The following ANKRD36 variants were observed in gnomAD, a reference collection of about 807,000 sequenced individuals.
The protein encoded by ANKRD36 is ankyrin repeat domain 36, also known as ankyrin repeat domain-containing protein 36A.
In ANKRD36, 179 loss-of-function variants were observed where a neutral mutation model predicts 278.1. The observed-to-expected ratio is 0.64, with a 90% CI of 0.57 to 0.73. The LOEUF (loss-of-function observed/expected upper bound fraction) is 0.73, where lower values mean the gene tolerates loss of function less well. Ranked by LOEUF, ANKRD36 falls within the 30% of genes least tolerant of loss-of-function variation. The probability of loss-of-function intolerance (pLI) is 0.00; values close to 1 mark genes in which losing one functional copy is unlikely to be tolerated. For missense variants in ANKRD36, 1,159 were observed against 1,956.7 expected, an observed-to-expected ratio of 0.59 and a Z score of 7.69; for synonymous variants, 320 against 641.1, an observed-to-expected ratio of 0.50 and a Z score of 7.57.
intron 22 of ANKRD36, among the ~76,000 whole-genome samples, chr2:97,177,064 A>C (rs2054483302): frequency 6.6e-6 from 1 of 151,534 alleles, no homozygotes; most frequent in African/African-American, 2.4e-5. Flanking sequence ...TCATGAGTGA[A>C]CTCCCATTCA....
intron 67 of ANKRD36, among the ~76,000 whole-genome samples, chr2:97,225,310 G>A (rs1426237974): frequency 6.6e-6 from 1 of 152,046 alleles, no homozygotes; most frequent in African/African-American, 2.4e-5. Context: ...TAATACCAAG[G>A]TTAAAAATTT....
At position 97,162,190 on chromosome 2, in the gene ANKRD36, T is replaced by A. The variant is rs988848119; in HGVS notation, c.1429+52T>A. 14 of 1,295,690 alleles carry A rather than the reference T, an allele frequency of 1.1e-5. No individual in the cohort carries two copies. The African/African-American group carries it at 1.9e-4, about 17-fold the overall frequency. The allele number at this position is 1,295,690 out of a possible 1,614,324, so 80.3% of individuals were successfully genotyped here. Reference sequence around the variant, plus strand: ...TGAGAGCAATGAAATAATGATAATGTTATTTTTTGTGTACAAAGAAACAAA... The same window carrying A: ...TGAGAGCAATGAAATAATGATAATGATATTTTTTGTGTACAAAGAAACAAA... On this transcript the variant is annotated intron_variant, in intron 18 of 75. Transcript: ENST00000420699.
At chr2:97,146,198 C>G (rs1414282018) in intron 10 of ANKRD36, among the ~76,000 whole-genome samples, 1 of 151,770 alleles carries the variant, frequency 6.6e-6, no homozygotes, top group East Asian at 1.9e-4. Context: ...AACTCCTGAC[C>G]TCAAGTTATC....
At chr2:97,230,123 T>G (rs1406268867) in intron 67 of ANKRD36, among the ~76,000 whole-genome samples, 1 of 152,100 alleles carries the variant, frequency 6.6e-6, no homozygotes, top group Non-Finnish European at 1.5e-5. Context: ...GTCTTGGAGT[T>G]GCTCTTCTCA....
intron 56 of ANKRD36, among the ~76,000 whole-genome samples, chr2:97,211,068 C>T (rs1256531816): frequency 6.6e-6 from 1 of 151,874 alleles, no homozygotes; most frequent in Non-Finnish European, 1.5e-5. Context: ...GTACGTTCCA[C>T]TGAAATGTCT....
intron 46 of ANKRD36, among the ~76,000 whole-genome samples, 191 bp from the exon 47 acceptor site, chr2:97,202,011 T>G (rs1428215089): frequency 6.6e-6 from 1 of 151,898 alleles, no homozygotes; most frequent in African/African-American, 2.4e-5. Context: ...AAGGGTATAT[T>G]TCATGGAGCC....
At chr2:97,172,036 A>G (rs944720471) in intron 22 of ANKRD36, among the ~76,000 whole-genome samples, 25 of 151,988 alleles carry the variant, frequency 1.6e-4, no homozygotes, top group African/African-American at 6.0e-4. Context: ...TGGTAGACAC[A>G]GCCTTTTAAG....
chr2:97,185,403 T>C (rs1458033763), intron 29 of ANKRD36, 35 bp from the exon 30 acceptor site: 3 of 1,607,852 alleles, frequency 1.9e-6, no homozygotes, highest in Non-Finnish European at 2.5e-6. Context: ...GAAACATACT[T>C]TCTTTATTGA....
At chr2:97,231,417 TG>T (rs2072029988) in intron 67 of ANKRD36, among the ~76,000 whole-genome samples, 1 of 152,166 alleles carries the variant, frequency 6.6e-6, no homozygotes, top group African/African-American at 2.4e-5. Context: ...TTAGACTCCA[TG>T]GGCGCAGGAC....
intron 14 of ANKRD36, among the ~76,000 whole-genome samples, chr2:97,154,424 G>C (rs2046942501): frequency 6.8e-6 from 1 of 147,062 alleles, no homozygotes; most frequent in Non-Finnish European, 1.5e-5. Flanking sequence ...TGGGTTTAAG[G>C]GTGAGTCTGC....
At chr2:97,212,063 A>G (rs2064808593) in intron 58 of ANKRD36, among the ~76,000 whole-genome samples, 1 of 151,876 alleles carries the variant, frequency 6.6e-6, no homozygotes, top group African/African-American at 2.4e-5. Context: ...AAAGAGAAAG[A>G]GATGAAGTAA....
At chr2:97,216,214 G>A (rs1444818935) in intron 62 of ANKRD36, among the ~76,000 whole-genome samples, 1 of 151,994 alleles carries the variant, frequency 6.6e-6, no homozygotes, top group Non-Finnish European at 1.5e-5. Flanking sequence ...TTATAAAAAT[G>A]AGATAAACTT....
intron 67 of ANKRD36, among the ~76,000 whole-genome samples, chr2:97,228,602 A>C (rs2070774498): frequency 6.6e-6 from 1 of 151,738 alleles, no homozygotes; most frequent in South Asian, 2.1e-4. Flanking sequence ...TGGATTCATT[A>C]ATTTTTTGAA....
intron 42 of ANKRD36, among the ~76,000 whole-genome samples, chr2:97,197,145 C>T (rs1291906130): frequency 1.3e-5 from 2 of 151,932 alleles, no homozygotes; most frequent in Non-Finnish European, 2.9e-5. Flanking sequence ...TCACATCATA[C>T]TGCTAAAAAC....
chr2:97,136,146 G>C (rs1210174913), intron 6 of ANKRD36, among the ~76,000 whole-genome samples: 3 of 148,994 alleles, frequency 2.0e-5, no homozygotes, highest in Non-Finnish European at 4.5e-5. Flanking sequence ...CAATTAATCA[G>C]TCATGCCTAT....
intron 6 of ANKRD36, among the ~76,000 whole-genome samples, chr2:97,129,553 A>G (rs905858899): frequency 3.3e-5 from 5 of 152,086 alleles, no homozygotes; most frequent in African/African-American, 4.8e-5. Context: ...GCCCATGCCT[A>G]TGTCCTGAAT....
chr2:97,184,392 G>C (rs1338698175), intron 28 of ANKRD36, among the ~76,000 whole-genome samples: 1 of 151,462 alleles, frequency 6.6e-6, no homozygotes, highest in Admixed American at 6.6e-5. Flanking sequence ...GATTATATTA[G>C]CTTTTTTCCA....
At chr2:97,176,298 C>G (rs2054226856) in intron 22 of ANKRD36, among the ~76,000 whole-genome samples, 1 of 149,116 alleles carries the variant, frequency 6.7e-6, no homozygotes, top group Middle Eastern at 3.6e-3. Flanking sequence ...CTTTATGAAT[C>G]TGGGTGCTCC....
At chr2:97,142,054 G>C (rs2043031221) in intron 6 of ANKRD36, among the ~76,000 whole-genome samples, 1 of 152,046 alleles carries the variant, frequency 6.6e-6, no homozygotes, top group Admixed American at 6.5e-5. Context: ...TACACCACAT[G>C]GTTCTGAGAA....
Sources: gnomAD v4.1 joint callset for allele counts (sites outside exome capture counted in the v4.1 genomes callset) on GRCh38, gnomAD v4.1.1 for gene constraint, MANE v1.5 for transcripts, NCBI Gene and HGNC (gene_info 2026-07-23, HGNC 2026-07-21) for gene names.